Variants in CHRM5 observed in about 807,000 individuals in gnomAD.
CHRM5 encodes cholinergic receptor muscarinic 5, also known as muscarinic acetylcholine receptor M5.
In CHRM5, 18 loss-of-function variants were observed where a neutral mutation model predicts 39.0. The observed-to-expected ratio is 0.46, with a 90% CI of 0.32 to 0.68. The LOEUF is 0.68. Ranked by LOEUF, CHRM5 falls within the 30% of genes least tolerant of loss-of-function variation. CHRM5 has a pLI of 0.04. For missense variants in CHRM5, 515 were observed against 651.1 expected, an observed-to-expected ratio of 0.79 and a Z score of 2.28; for synonymous variants, 241 against 246.3, an observed-to-expected ratio of 0.98 and a Z score of 0.20.
At chr15:33,975,052 CT>C (rs1256072235) in intron 1 of CHRM5, among the ~76,000 whole-genome samples, 1 of 152,162 alleles carries the variant, frequency 6.6e-6, no homozygotes, top group Non-Finnish European at 1.5e-5. Context: ...CAAACACCAT[CT>C]TAGATAAAAT....
chr15:34,008,652 C>T (rs1567463697), intron 1 of CHRM5, among the ~76,000 whole-genome samples: 1 of 135,238 alleles, frequency 7.4e-6, no homozygotes, highest in Non-Finnish European at 1.5e-5. Flanking sequence ...CCATGGCAGG[C>T]TAATTTTTTG....
intron 1 of CHRM5, among the ~76,000 whole-genome samples, chr15:34,021,739 C>T (rs1355118760): frequency 6.6e-6 from 1 of 152,032 alleles, no homozygotes; most frequent in African/African-American, 2.4e-5. Context: ...CCTGTAATCC[C>T]AGCTACTGGG....
chr15:34,063,391 A>C lies in CHRM5; in HGVS notation c.674A>C (p.Lys225Thr). The C allele has an allele frequency of 3.7e-6, 6 of 1,614,092 alleles. No individual in the cohort carries two copies. The highest frequency in any genetic ancestry group is 5.1e-6 in the Non-Finnish European group (6 of 1,180,036). The change falls in exon 3 of 3, where the codon AAG becomes ACG. Residue 225 changes from lysine (K) to threonine (T), a missense_variant. By Grantham distance (78) the Lys-to-Thr change is moderately conservative. Coordinates refer to ENST00000383263, the MANE Select transcript of CHRM5 (RefSeq NM_012125.4). This position sits in a 1 kb window ranked among gnomAD's most constrained non-coding sequence, Gnocchi z 4.1. ...RIYRETEKRT[K>T]DLADLQGSDS... ...TACCGGGAAACAGAGAAGCGAACCAAGGACCTGGCTGACCTCCAGGGTTCT... is the reference window on the plus strand; with the variant it reads ...TACCGGGAAACAGAGAAGCGAACCACGGACCTGGCTGACCTCCAGGGTTCT...
intron 2 of CHRM5, among the ~76,000 whole-genome samples, chr15:34,047,844 G>A (rs966406062): frequency 1.3e-5 from 2 of 152,102 alleles, no homozygotes. Context: ...TGCCTCCTGA[G>A]CTCAAGTAAT....
At chr15:34,027,332 T>A (rs571368349) in intron 1 of CHRM5, among the ~76,000 whole-genome samples, 1 of 151,752 alleles carries the variant, frequency 6.6e-6, no homozygotes, top group Non-Finnish European at 1.5e-5. Flanking sequence ...CTGGCCAACA[T>A]GGCGAAACTC....
At chr15:34,023,273 C>G (rs1898292766) in intron 1 of CHRM5, among the ~76,000 whole-genome samples, 2 of 152,202 alleles carry the variant, frequency 1.3e-5, no homozygotes, top group South Asian at 4.1e-4. Flanking sequence ...AATCTGCCAG[C>G]TTTTCTTTAC....
At chr15:34,023,347 G>A (rs1898295261) in intron 1 of CHRM5, among the ~76,000 whole-genome samples, 1 of 152,176 alleles carries the variant, frequency 6.6e-6, no homozygotes, top group African/African-American at 2.4e-5. Flanking sequence ...GAAATAGGCT[G>A]TGGTGGGCTA....
intron 1 of CHRM5, among the ~76,000 whole-genome samples, chr15:34,026,545 C>A (rs1187641854): frequency 2.0e-5 from 3 of 151,994 alleles, no homozygotes; most frequent in Admixed American, 2.0e-4. Flanking sequence ...TATAAGCTGA[C>A]GTCACCCAGG....
chr15:34,062,716 G>A lies in CHRM5; in HGVS notation c.-2G>A. On this transcript the variant is annotated 5_prime_UTR_variant, in exon 3 of 3. Transcript: ENST00000383263. ...TATTTACTGTAAAATTTTTGCACCA[G>A]GATGGAAGGGGATTCTTACCACAAT... is the stretch of plus-strand genomic sequence containing the variant. 1 of 1,603,350 alleles carries A rather than the reference G, an allele frequency of 6.2e-7. No individual in the cohort carries two copies. The highest frequency in any genetic ancestry group is 8.5e-7 in the Non-Finnish European group (1 of 1,173,614).
chr15:34,052,360 G>T (rs1899954261), intron 2 of CHRM5, among the ~76,000 whole-genome samples: 1 of 151,968 alleles, frequency 6.6e-6, no homozygotes, highest in Admixed American at 6.6e-5. Flanking sequence ...AATAATAAAA[G>T]CCACCTGTGA....
At chr15:33,995,796 A>G (rs1179528478) in intron 1 of CHRM5, among the ~76,000 whole-genome samples, 1 of 152,182 alleles carries the variant, frequency 6.6e-6, no homozygotes, top group Non-Finnish European at 1.5e-5. Flanking sequence ...TGCATTTCCA[A>G]CTGAGGTACC....
chr15:34,057,141 G>GTTT (rs148277277), intron 2 of CHRM5, among the ~76,000 whole-genome samples: 5 of 140,818 alleles, frequency 3.6e-5, no homozygotes, highest in Non-Finnish European at 4.7e-5. Context: ...GGTTTTTTTT[G>GTTT]GTTTTTTTTT....
At chr15:33,979,079 T>C (rs1896019889) in intron 1 of CHRM5, among the ~76,000 whole-genome samples, 1 of 152,240 alleles carries the variant, frequency 6.6e-6, no homozygotes, top group South Asian at 2.1e-4. Flanking sequence ...ATTTTAAGTC[T>C]ACTCTAATAA....
chr15:33,995,169 CAGG>C (rs1404108196), intron 1 of CHRM5, among the ~76,000 whole-genome samples: 1 of 152,106 alleles, frequency 6.6e-6, no homozygotes, highest in Admixed American at 6.5e-5. Flanking sequence ...GAGGCTGGGG[CAGG>C]AGGATTGCTT....
intron 1 of CHRM5, among the ~76,000 whole-genome samples, chr15:34,019,212 G>T (rs1597358205): frequency 6.6e-6 from 1 of 152,288 alleles, no homozygotes; most frequent in South Asian, 2.1e-4. Context: ...ACCCTGTGTA[G>T]GCCTAGGCTA....
chr15:33,997,058 A>G (rs143848629), intron 1 of CHRM5, among the ~76,000 whole-genome samples: 303 of 152,380 alleles, frequency 2.0e-3, no homozygotes, highest in African/African-American at 6.9e-3. Flanking sequence ...TGTAGCAAAC[A>G]ATAAAATGTA....
At position 34,038,793 on chromosome 15, in the gene CHRM5, C is replaced by T. The variant is rs750210032; in HGVS notation, c.-407-7747C>T. On this transcript the variant is annotated intron_variant, in intron 1 of 2. Coordinates refer to ENST00000383263, the MANE Select transcript of CHRM5 (RefSeq NM_012125.4). ...GTCGCCTCTTACCGGCGCGCTGGCC[C>T]CTGCGCCCCAGCCTCCCGGCTCCCG... The T allele has an allele frequency of 9.8e-5, 117 of 1,190,334 alleles. No individual in the cohort carries two copies. In the African/African-American group the frequency reaches 1.8e-3, roughly 18 times the overall value. 73.7% of individuals were successfully genotyped at this position (1,190,334 alleles called of 1,614,324 possible).
chr15:33,976,445 T>C (rs1395708176), intron 1 of CHRM5, among the ~76,000 whole-genome samples: 1 of 139,362 alleles, frequency 7.2e-6, no homozygotes, highest in Admixed American at 7.9e-5. Context: ...CAACAACCAA[T>C]ACCCATGGAC....
intron 1 of CHRM5, among the ~76,000 whole-genome samples, chr15:34,023,610 T>A (rs998580054): frequency 6.6e-6 from 1 of 152,130 alleles, no homozygotes; most frequent in East Asian, 1.9e-4. Flanking sequence ...TAACAAAAGA[T>A]GGAAGAAAAT....
Sources: allele counts gnomAD v4.1 joint callset (sites outside exome capture counted in the v4.1 genomes callset), GRCh38; gene constraint gnomAD v4.1.1; non-coding constraint Gnocchi (gnomAD v3.1); transcripts MANE v1.5; gene names NCBI Gene and HGNC (gene_info 2026-07-23, HGNC 2026-07-21).